The following ZNF704 variants were observed in gnomAD, a reference collection of about 807,000 sequenced individuals.
The protein encoded by ZNF704 is glucocorticoid induced gene 1.
In ZNF704, 10 loss-of-function variants were observed where a neutral mutation model predicts 44.7. The observed-to-expected ratio is 0.22, with a 90% CI of 0.14 to 0.38. ZNF704 has a LOEUF of 0.38. Ranked by LOEUF, ZNF704 falls within the 10% of genes least tolerant of loss-of-function variation. ZNF704 has a pLI of 1.00. For synonymous variants in ZNF704, 211 were observed against 207.6 expected (o/e 1.02, Z -0.14); for missense variants, 390 against 545.5 (o/e 0.71, Z 2.84).
chr8:80,646,456 A>G (rs1009864599), intron 7 of ZNF704, among the ~76,000 whole-genome samples: 1 of 149,942 alleles, frequency 6.7e-6, no homozygotes, highest in Non-Finnish European at 1.5e-5. Flanking sequence ...AGCCTGGGCA[A>G]CAGAGTGAGA....
intron 1 of ZNF704, among the ~76,000 whole-genome samples, chr8:80,856,585 G>C (rs1808965677): frequency 6.6e-6 from 1 of 151,924 alleles, no homozygotes; most frequent in Non-Finnish European, 1.5e-5. Context: ...TTTGTTTTTT[G>C]TTTTTCTTCC....
Position 80,813,071 on chromosome 8 carries a change from C to T in ZNF704, c.221+8303G>A, listed in dbSNP as rs137997101. On this transcript the variant is annotated intron_variant, in intron 2 of 8. Transcript: ENST00000327835. ...ATCACAAAAGTGGTATAATGGTACT[C>T]CTAAACATTTTAGAACATTCTCATA... is the stretch of plus-strand genomic sequence containing the variant. Among the ~76,000 whole-genome samples, 223 of 152,302 alleles carry T rather than the reference C, an allele frequency of 1.5e-3. 1 individual carries two copies. The highest frequency in any genetic ancestry group is 5.1e-3 in the African/African-American group (211 of 41,552).
At chr8:80,794,444 C>CA (rs1807764808) in intron 2 of ZNF704, among the ~76,000 whole-genome samples, 1 of 152,070 alleles carries the variant, frequency 6.6e-6, no homozygotes, top group Admixed American at 6.6e-5. Flanking sequence ...CTCAACATTT[C>CA]AAAAATCTTT....
At chr8:80,654,832 C>T (rs569456228) in intron 7 of ZNF704, among the ~76,000 whole-genome samples, 26 of 152,292 alleles carry the variant, frequency 1.7e-4, no homozygotes, top group Admixed American at 1.7e-3. Context: ...CCAGCCATCC[C>T]ATTACTGGGT....
intron 1 of ZNF704, among the ~76,000 whole-genome samples, chr8:80,850,643 T>C (rs1469502760): frequency 6.6e-6 from 1 of 152,194 alleles, no homozygotes; most frequent in Non-Finnish European, 1.5e-5. Context: ...CACTTTATAA[T>C]CTCTCTTTCA....
At chr8:80,660,997 C>T (rs755336058) in intron 6 of ZNF704, among the ~76,000 whole-genome samples, 16 of 152,096 alleles carry the variant, frequency 1.1e-4, no homozygotes, top group Non-Finnish European at 7.4e-5. Context: ...CAATCAACAG[C>T]GTGAAGAGCA....
intron 1 of ZNF704, among the ~76,000 whole-genome samples, chr8:80,833,938 A>C (rs539162808): frequency 1.3e-5 from 2 of 152,308 alleles, no homozygotes; most frequent in South Asian, 4.2e-4. Context: ...TTCTACTGGA[A>C]TTCAAGATCT....
intron 2 of ZNF704, among the ~76,000 whole-genome samples, chr8:80,774,906 G>A (rs957729052): frequency 1.3e-5 from 2 of 152,168 alleles, no homozygotes; most frequent in African/African-American, 2.4e-5. Flanking sequence ...TGGGATACAC[G>A]AAGCGAAATG....
At chr8:80,836,309 C>T (rs906944898) in intron 1 of ZNF704, among the ~76,000 whole-genome samples, 3 of 152,140 alleles carry the variant, frequency 2.0e-5, no homozygotes, top group Admixed American at 2.0e-4. Context: ...TTACTGGCTT[C>T]CTCATCTTCC....
chr8:80,769,990 G>A (rs111533337), intron 2 of ZNF704, among the ~76,000 whole-genome samples: 16,697 of 152,170 alleles, frequency 0.11, 1,029 homozygotes, highest in South Asian at 0.29. Flanking sequence ...TGAAAGGCAC[G>A]CCTCACATGG....
intron 2 of ZNF704, among the ~76,000 whole-genome samples, chr8:80,808,727 C>T (rs1385988647): frequency 1.3e-5 from 2 of 152,156 alleles, no homozygotes; most frequent in Admixed American, 6.5e-5. Context: ...TAGCTACCTG[C>T]TTAGTATTTG....
intron 7 of ZNF704, among the ~76,000 whole-genome samples, chr8:80,652,245 AC>A (rs1452950719): frequency 6.6e-6 from 1 of 151,966 alleles, no homozygotes; most frequent in Non-Finnish European, 1.5e-5. Context: ...CCCTAACATC[AC>A]AATTAAAAGA....
intron 2 of ZNF704, among the ~76,000 whole-genome samples, chr8:80,747,950 C>T (rs899865352): frequency 6.6e-6 from 1 of 152,136 alleles, no homozygotes; most frequent in African/African-American, 2.4e-5. Context: ...CTCCTGACCT[C>T]GTGATCTGCC....
In ZNF704 at chr8:80,826,300, C is replaced by G. The variant is rs534883141; in HGVS notation, c.-21-4685G>C. ...TACCATCAGAGAATACTATAAACAC[C>G]TCTATGCAAATAAACTAGAAAATCT... is the stretch of plus-strand genomic sequence containing the variant. On this transcript the variant is annotated intron_variant, in intron 1 of 8. Coordinates refer to ENST00000327835, the MANE Select transcript of ZNF704 (RefSeq NM_001033723.3). Among the ~76,000 whole-genome samples the G allele has an allele frequency of 2.6e-5, 4 of 152,268 alleles. No individual in the cohort carries two copies. In the East Asian group the frequency reaches 7.7e-4, roughly 29 times the overall value.
At position 80,643,085 on chromosome 8, in the gene ZNF704, C is replaced by A; in HGVS notation, c.1077G>T (p.Gln359His). The change falls in exon 8 of 9, where the codon CAG (glutamine) becomes CAT (histidine). Residue 359 changes from glutamine to histidine, a missense_variant. Around this residue, in one of 3 missense-constraint regions of ZNF704, gnomAD observed 305 missense variants for 435.7 expected, o/e 0.70. Transcript: ENST00000327835. The stretch of plus-strand genomic sequence containing the variant: ...GGGAGGACAGGACCGTGTGCGCATG[C>A]TGTCTCTGCTCTCCTGTGCCCACCG... The part of the protein sequence containing the change: ...HHPVGTGEQR[Q>H]HAHTVLSSPP... 1 of 1,606,216 alleles carries A rather than the reference C, an allele frequency of 6.2e-7. No individual in the cohort carries two copies. The highest frequency in any genetic ancestry group is 8.5e-7 in the Non-Finnish European group (1 of 1,176,374).
At chr8:80,873,313 G>A (rs1809288787) in intron 1 of ZNF704, among the ~76,000 whole-genome samples, 1 of 152,178 alleles carries the variant, frequency 6.6e-6, no homozygotes, top group Non-Finnish European at 1.5e-5. Context: ...GGCCTTTGAG[G>A]AAAGCGGGAG....
intron 2 of ZNF704, among the ~76,000 whole-genome samples, chr8:80,730,538 TAAAAAAAAA>T (rs148942015): frequency 3.1e-5 from 2 of 63,960 alleles, no homozygotes; most frequent in African/African-American, 5.1e-5. Context: ...GACTACATCT[TAAAAAAAAA>T]AAAAAAAAAA....
At chr8:80,848,913 A>G (rs1808812616) in intron 1 of ZNF704, among the ~76,000 whole-genome samples, 1 of 152,236 alleles carries the variant, frequency 6.6e-6, no homozygotes, top group Non-Finnish European at 1.5e-5. Context: ...ATTAGTTAAG[A>G]GCTAGTTAAA....
At chr8:80,738,697 T>C (rs966867621) in intron 2 of ZNF704, among the ~76,000 whole-genome samples, 1 of 152,228 alleles carries the variant, frequency 6.6e-6, no homozygotes, top group African/African-American at 2.4e-5. Flanking sequence ...ATACAGAGCT[T>C]ACTTGATGGT....
Sources: allele counts gnomAD v4.1 joint callset (sites outside exome capture counted in the v4.1 genomes callset), GRCh38; gene constraint gnomAD v4.1.1; regional missense constraint gnomAD v4.1.1; transcripts MANE v1.5; gene names NCBI Gene and HGNC (gene_info 2026-07-23, HGNC 2026-07-21).